Variants in NBAS observed in about 807,000 individuals in gnomAD.
The protein encoded by NBAS is NBAS subunit of NRZ tethering complex, also known as NAG/BC035112 fusion.
Under a neutral mutation model 302.5 loss-of-function variants are expected in NBAS, and 219 were observed. The observed-to-expected ratio is 0.72, with a 90% CI of 0.65 to 0.81. The LOEUF is 0.81. Ranked by LOEUF, NBAS falls within the 30% of genes least tolerant of loss-of-function variation. The pLI is 0.00. For missense variants in NBAS, 2,932 were observed against 2,841.6 expected (o/e 1.03, Z -0.72); for synonymous variants, 1,118 against 1,021.6 (o/e 1.09, Z -1.80).
the NBAS span, among the ~76,000 whole-genome samples, chr2:15,051,897 C>CT: frequency 2.0e-5 from 3 of 150,646 alleles, no homozygotes; most frequent in East Asian, 3.9e-4. Flanking sequence ...ACCCCTACCT[C>CT]TTTTTTTTTC....
the NBAS span, among the ~76,000 whole-genome samples, chr2:14,957,041 T>C: frequency 3.3e-5 from 5 of 152,176 alleles, no homozygotes; most frequent in Non-Finnish European, 1.5e-5. Flanking sequence ...AATTTGGACA[T>C]AGAGATATTC....
At chr2:14,929,014 C>G in the NBAS span, among the ~76,000 whole-genome samples, 22,978 of 152,170 alleles carry the variant, frequency 0.15, 1,782 homozygotes, top group South Asian at 0.18. Context: ...TTGGACTAAT[C>G]TGGATCCCTA....
chr2:14,995,902 G>A, the NBAS span, among the ~76,000 whole-genome samples: 1 of 152,000 alleles, frequency 6.6e-6, no homozygotes, highest in Non-Finnish European at 1.5e-5. Context: ...TGCCCAGCCT[G>A]GCAGCCCATG....
At chr2:15,314,886 T>C (rs542024387) in intron 38 of NBAS, among the ~76,000 whole-genome samples, 32 of 152,342 alleles carry the variant, frequency 2.1e-4, no homozygotes, top group Non-Finnish European at 3.8e-4. Context: ...ACAACATAGA[T>C]GAATCTCAAA....
At chr2:14,967,413 C>T in the NBAS span, among the ~76,000 whole-genome samples, 1 of 152,108 alleles carries the variant, frequency 6.6e-6, no homozygotes, top group Admixed American at 6.5e-5. Context: ...ACAGTAATCA[C>T]ACCAAGCCTC....
chr2:15,225,260 C>T (rs1430741417), intron 47 of NBAS, among the ~76,000 whole-genome samples: 3 of 152,196 alleles, frequency 2.0e-5, no homozygotes, highest in African/African-American at 7.2e-5. Flanking sequence ...GTGGACACAC[C>T]TTGCTGTAAC....
the NBAS span, among the ~76,000 whole-genome samples, chr2:15,067,637 G>A: frequency 6.6e-6 from 1 of 152,022 alleles, no homozygotes; most frequent in Middle Eastern, 3.2e-3. Flanking sequence ...GTCAAACTCA[G>A]AAACAGAGAG....
the NBAS span, among the ~76,000 whole-genome samples, chr2:15,128,001 A>T: frequency 6.6e-6 from 1 of 152,172 alleles, no homozygotes; most frequent in East Asian, 1.9e-4. Flanking sequence ...TTATAGTTAG[A>T]TCTATTTGAT....
chr2:14,813,666 A>G, the NBAS span, among the ~76,000 whole-genome samples: 12 of 152,346 alleles, frequency 7.9e-5, no homozygotes, highest in Non-Finnish European at 1.5e-4. Context: ...AAGGTTACAT[A>G]TAACTTTACT....
At chr2:14,926,044 G>A in the NBAS span, among the ~76,000 whole-genome samples, 8 of 152,166 alleles carry the variant, frequency 5.3e-5, no homozygotes, top group South Asian at 2.1e-4. Context: ...GAAAGGATAC[G>A]CTGCCTTCCT....
intron 6 of NBAS, among the ~76,000 whole-genome samples, chr2:15,549,101 A>T (rs1293637984): frequency 2.0e-5 from 3 of 152,224 alleles, no homozygotes; most frequent in Non-Finnish European, 4.4e-5. Context: ...GTCAGACACT[A>T]TGCCGAGAGT....
At chr2:14,925,424 C>A in the NBAS span, among the ~76,000 whole-genome samples, 2 of 152,200 alleles carry the variant, frequency 1.3e-5, no homozygotes, top group Non-Finnish European at 2.9e-5. Context: ...AGGCTACACA[C>A]TCCTACTTTG....
At chr2:15,309,892 T>G (rs77971027) in intron 38 of NBAS, among the ~76,000 whole-genome samples, 7,704 of 152,296 alleles carry the variant, frequency 0.051, 271 homozygotes, top group African/African-American at 0.097. Context: ...CAATACGGTC[T>G]GTGTTTGTAC....
rs1055134813 is a variant in NBAS at position 15,237,098 on chromosome 2, T to C, written c.5943+1370A>G. Among the ~76,000 whole-genome samples the C allele has an allele frequency of 5.3e-5, 8 of 152,216 alleles. No homozygotes were observed. In the South Asian group the frequency reaches 6.2e-4, roughly 12 times the overall value. On this transcript the variant is annotated intron_variant, in intron 45 of 51. Coordinates refer to ENST00000281513, the MANE Select transcript of NBAS (RefSeq NM_015909.4). ...GGAGGTTAACGGCCACTTACAAGGT[T>C]CATTTACCATAGTATTATAGGGCAA... is the stretch of plus-strand genomic sequence containing the variant.
At chr2:15,051,634 T>C in the NBAS span, among the ~76,000 whole-genome samples, 1 of 152,214 alleles carries the variant, frequency 6.6e-6, no homozygotes, top group Non-Finnish European at 1.5e-5. Flanking sequence ...TCGCAAACCA[T>C]TCCTCTTCAG....
At chr2:14,836,754 C>T in the NBAS span, among the ~76,000 whole-genome samples, 2 of 151,758 alleles carry the variant, frequency 1.3e-5, no homozygotes, top group African/African-American at 4.8e-5. Flanking sequence ...GGGATCACAT[C>T]AAATATGTAG....
the NBAS span, among the ~76,000 whole-genome samples, chr2:14,786,824 G>T: frequency 6.6e-6 from 1 of 152,264 alleles, no homozygotes; most frequent in South Asian, 2.1e-4. Flanking sequence ...GAGTTCTGTA[G>T]ATGTCTATTA....
chr2:14,920,637 A>G, the NBAS span, among the ~76,000 whole-genome samples: 1 of 152,224 alleles, frequency 6.6e-6, no homozygotes, highest in Non-Finnish European at 1.5e-5. Flanking sequence ...TGGATAACTT[A>G]CTACAGCTTC....
intron 13 of NBAS, among the ~76,000 whole-genome samples, chr2:15,477,590 C>G (rs550293025): frequency 2.0e-5 from 3 of 152,166 alleles, no homozygotes; most frequent in Admixed American, 2.0e-4. Context: ...AACCTTATAA[C>G]TATCACTGAT....
Sources: gnomAD v4.1 joint callset for allele counts (sites outside exome capture counted in the v4.1 genomes callset) on GRCh38, gnomAD v4.1.1 for gene constraint, MANE v1.5 for transcripts, NCBI Gene and HGNC (gene_info 2026-07-23, HGNC 2026-07-21) for gene names.